Variants in CCDC85A observed in about 807,000 individuals in gnomAD.
CCDC85A encodes coiled-coil domain containing 85A.
Under a neutral mutation model 50.2 loss-of-function variants are expected in CCDC85A, and 38 were observed. The ratio of observed to expected loss-of-function variants is 0.76; its 90% confidence interval spans 0.58 to 0.99. The LOEUF (loss-of-function observed/expected upper bound fraction) is 0.99. Ranked by LOEUF, CCDC85A falls within the 50% of genes least tolerant of loss-of-function variation. The probability of loss-of-function intolerance (pLI) is 0.00; values close to 1 mark genes in which losing one functional copy is unlikely to be tolerated. For missense variants in CCDC85A, 820 were observed against 742.0 expected (o/e 1.11, Z -1.22); for synonymous variants, 366 against 301.4 (o/e 1.21, Z -2.22).
At chr2:56,265,430 T>C (rs1412275981) in intron 2 of CCDC85A, among the ~76,000 whole-genome samples, 1 of 77,322 alleles carries the variant, frequency 1.3e-5, no homozygotes, top group Non-Finnish European at 2.8e-5. Context: ...GCAAAGGACC[T>C]GAGTAGATAC....
chr2:56,187,526 G>T (rs975130007), intron 1 of CCDC85A, among the ~76,000 whole-genome samples: 1 of 152,158 alleles, frequency 6.6e-6, no homozygotes, highest in Admixed American at 6.5e-5. Flanking sequence ...GATAATTTGG[G>T]CAGCTTTGGC....
intron 2 of CCDC85A, among the ~76,000 whole-genome samples, chr2:56,313,619 G>A (rs893177218): frequency 2.0e-5 from 3 of 152,142 alleles, no homozygotes; most frequent in African/African-American, 7.2e-5. Flanking sequence ...AACGTTTACT[G>A]CTCTAATAAA....
intron 2 of CCDC85A, among the ~76,000 whole-genome samples, chr2:56,297,731 C>T (rs909318978): frequency 3.3e-5 from 5 of 152,160 alleles, no homozygotes; most frequent in Non-Finnish European, 5.9e-5. Context: ...AGGTGAGTGT[C>T]AGAGCTTGCC....
intron 2 of CCDC85A, among the ~76,000 whole-genome samples, chr2:56,294,695 C>T (rs552795194): frequency 1.3e-5 from 2 of 152,296 alleles, no homozygotes; most frequent in East Asian, 3.9e-4. Context: ...TTTGCCTAAA[C>T]AGCATCAGAA....
At chr2:56,252,565 T>C (rs549673913) in intron 2 of CCDC85A, among the ~76,000 whole-genome samples, 6 of 152,258 alleles carry the variant, frequency 3.9e-5, no homozygotes, top group African/African-American at 1.4e-4. Flanking sequence ...TATTATACTT[T>C]AAGTTCTGGG....
chr2:56,278,601 T>C (rs1207359867), intron 2 of CCDC85A, among the ~76,000 whole-genome samples: 2 of 151,848 alleles, frequency 1.3e-5, no homozygotes, highest in African/African-American at 4.8e-5. Context: ...GGAGATGGAG[T>C]CTCTCTCTGT....
chr2:56,285,224 C>G lies in CCDC85A; in HGVS notation c.1241-57655C>G, dbSNP rs536860738. 1.9e-3 allele frequency among the ~76,000 whole-genome samples: 286 copies of G among 151,430 alleles called. 3 individuals carry two copies. The highest frequency in any genetic ancestry group is 6.5e-3 in the African/African-American group (270 of 41,382). Reference sequence around the variant, plus strand: ...TCAAGCAATTCACCTGCCTCGGCCTCCCAAGTAGCTGGGATTACAGGCGCA... The same window carrying G: ...TCAAGCAATTCACCTGCCTCGGCCTGCCAAGTAGCTGGGATTACAGGCGCA... On this transcript the variant is annotated intron_variant, in intron 2 of 5. Transcript: ENST00000407595.
intron 2 of CCDC85A, among the ~76,000 whole-genome samples, chr2:56,229,433 A>G (rs1392039263): frequency 6.6e-6 from 1 of 152,180 alleles, no homozygotes; most frequent in Non-Finnish European, 1.5e-5. Context: ...TGTTGCTTGT[A>G]ATTATGGAAA....
At chr2:56,292,814 C>T (rs1343537085) in intron 2 of CCDC85A, among the ~76,000 whole-genome samples, 1 of 152,078 alleles carries the variant, frequency 6.6e-6, no homozygotes, top group Non-Finnish European at 1.5e-5. Context: ...CATTATGGCC[C>T]ATCATTGACA....
chr2:56,302,299 A>G (rs1419075685), intron 2 of CCDC85A, among the ~76,000 whole-genome samples: 3 of 152,150 alleles, frequency 2.0e-5, no homozygotes, highest in Non-Finnish European at 2.9e-5. Context: ...TAAGATCATA[A>G]ATAGATCTGC....
At chr2:56,209,427 T>TC (rs1293598859) in intron 2 of CCDC85A, among the ~76,000 whole-genome samples, 4 of 151,494 alleles carry the variant, frequency 2.6e-5, no homozygotes, top group African/African-American at 4.8e-5. Flanking sequence ...TTCCTTTTTT[T>TC]TTTTTTTTCT....
chr2:56,297,908 G>T (rs1391018030), intron 2 of CCDC85A, among the ~76,000 whole-genome samples: 2 of 152,160 alleles, frequency 1.3e-5, no homozygotes, highest in African/African-American at 4.8e-5. Context: ...TTGTGAAATG[G>T]TAGTATCTTC....
intron 2 of CCDC85A, among the ~76,000 whole-genome samples, chr2:56,288,731 A>T (rs1315755209): frequency 1.3e-5 from 2 of 152,022 alleles, no homozygotes; most frequent in African/African-American, 4.8e-5. Context: ...TTAAATCAAT[A>T]TTTTTTAAAA....
intron 2 of CCDC85A, among the ~76,000 whole-genome samples, chr2:56,270,040 C>T (rs1244464383): frequency 6.6e-6 from 1 of 152,140 alleles, no homozygotes; most frequent in African/African-American, 2.4e-5. Context: ...TAGAAATAGC[C>T]TGTCAAATAC....
intron 1 of CCDC85A, among the ~76,000 whole-genome samples, chr2:56,190,783 C>G (rs893438609): frequency 3.3e-5 from 5 of 152,188 alleles, no homozygotes; most frequent in Non-Finnish European, 7.3e-5. Context: ...AGCCCAGGAG[C>G]CTACTTGTTA....
At chr2:56,208,496 A>G (rs931100263) in intron 2 of CCDC85A, among the ~76,000 whole-genome samples, 1 of 152,068 alleles carries the variant, frequency 6.6e-6, no homozygotes, top group Non-Finnish European at 1.5e-5. Flanking sequence ...TATTCCCTGT[A>G]GTCTCATCTC....
intron 2 of CCDC85A, among the ~76,000 whole-genome samples, chr2:56,284,952 T>A (rs1437571123): frequency 7.2e-5 from 11 of 152,206 alleles, no homozygotes; most frequent in Non-Finnish European, 1.6e-4. Flanking sequence ...ATGGTATATA[T>A]TCTTCATCCT....
intron 3 of CCDC85A, among the ~76,000 whole-genome samples, chr2:56,371,746 A>G (rs936500887): frequency 2.0e-5 from 3 of 152,108 alleles, no homozygotes; most frequent in African/African-American, 7.2e-5. Flanking sequence ...TAACTTATGA[A>G]TACAAAGTTT....
At chr2:56,281,907 T>TA (rs1478794609) in intron 2 of CCDC85A, among the ~76,000 whole-genome samples, 2 of 152,200 alleles carry the variant, frequency 1.3e-5, no homozygotes, top group Admixed American at 1.3e-4. Context: ...TAGTGGTGTT[T>TA]AGATGAAGAA....
Sources: allele counts gnomAD v4.1 joint callset (sites outside exome capture counted in the v4.1 genomes callset), GRCh38; gene constraint gnomAD v4.1.1; transcripts MANE v1.5; gene names NCBI Gene and HGNC (gene_info 2026-07-23, HGNC 2026-07-21).